PPEF1: variants seen among roughly 807,000 people sequenced by gnomAD.
The protein encoded by PPEF1 is serine/threonine-protein phosphatase with EF-hands 1.
A neutral mutation model predicts 53.3 loss-of-function variants in PPEF1; 12 were observed. That is an observed-to-expected ratio of 0.23 (90% CI 0.14 to 0.36). PPEF1 has a LOEUF of 0.36. PPEF1 is among the 10% of genes least tolerant of loss of function. The pLI is 1.00. For synonymous variants in PPEF1, 165 were observed against 176.7 expected, an observed-to-expected ratio of 0.93 and a Z score of 0.52; for missense variants, 334 against 490.4, an observed-to-expected ratio of 0.68 and a Z score of 3.01.
At chrX:18,709,958 C>G (rs887415927) in intron 1 of PPEF1, among the ~76,000 whole-genome samples, 2 of 112,065 alleles carry the variant, frequency 1.8e-5, no homozygotes, top group African/African-American at 6.5e-5. Context: ...CTGCACCATT[C>G]TACATTCCTA....
chrX:18,713,841 T>C (rs1173086315), intron 1 of PPEF1, among the ~76,000 whole-genome samples: 1 of 112,086 alleles, frequency 8.9e-6, no homozygotes, highest in Non-Finnish European at 1.9e-5. Context: ...TAAAATGTTA[T>C]GTAAACATTT....
upstream of PPEF1, among the ~76,000 whole-genome samples, chrX:18,679,407 C>CTTCATCTTT (rs1435148939): frequency 8.9e-6 from 1 of 111,751 alleles, no homozygotes; most frequent in Non-Finnish European, 1.9e-5. Flanking sequence ...ATAATGGCAG[C>CTTCATCTTT]TTCATCTTTC....
intron 14 of PPEF1, 75 bp from the exon 15 acceptor site, chrX:18,825,676 G>C (rs763821393): frequency 1.6e-5 from 10 of 633,712 alleles, no homozygotes; most frequent in Admixed American, 3.8e-5. Flanking sequence ...GATGTTTTCT[G>C]TTTGTTACAT....
intron 1 of PPEF1, among the ~76,000 whole-genome samples, chrX:18,717,103 T>TA: frequency 9.4e-6 from 1 of 106,815 alleles, no homozygotes; most frequent in African/African-American, 3.4e-5. Context: ...ATATATATAT[T>TA]TTTTTCTCAA....
chrX:18,772,605 GA>G (rs1312969495), intron 6 of PPEF1, among the ~76,000 whole-genome samples: 1 of 111,915 alleles, frequency 8.9e-6, no homozygotes, highest in African/African-American at 3.2e-5. Context: ...ACCTCTGGTA[GA>G]ATTTGGCTGT....
At chrX:18,806,366 A>G in intron 11 of PPEF1, 37 bp from the exon 12 acceptor site, 2 of 1,172,198 alleles carry the variant, frequency 1.7e-6, no homozygotes, top group Non-Finnish European at 1.1e-6. Flanking sequence ...TTGAGAACTA[A>G]TGTTACGTGA....
At chrX:18,700,836 T>G (rs183699862) in intron 6 of PPEF1, among the ~76,000 whole-genome samples, 83 of 112,562 alleles carry the variant, frequency 7.4e-4, no homozygotes, top group African/African-American at 2.5e-3. Context: ...TCTTGTCGTC[T>G]TAGAGGTTTC....
At chrX:18,767,118 T>C (rs751378812) in intron 6 of PPEF1, among the ~76,000 whole-genome samples, 1 of 111,899 alleles carries the variant, frequency 8.9e-6, no homozygotes, top group African/African-American at 3.2e-5. Flanking sequence ...AAAACTGAAA[T>C]ACTAATACTC....
chrX:18,787,268 G>C (rs891013265), intron 9 of PPEF1, among the ~76,000 whole-genome samples: 1 of 110,963 alleles, frequency 9.0e-6, no homozygotes, highest in African/African-American at 3.3e-5. Flanking sequence ...TTACACCTGC[G>C]GTCGTAATGG....
intron 12 of PPEF1, among the ~76,000 whole-genome samples, chrX:18,817,835 T>C (rs979210891): frequency 9.0e-6 from 1 of 111,347 alleles, no homozygotes; most frequent in African/African-American, 3.3e-5. Flanking sequence ...GTAATCCTTT[T>C]AAAACTTCAT....
chrX:18,798,615 G>T (rs1003854851), intron 10 of PPEF1, among the ~76,000 whole-genome samples: 1 of 110,971 alleles, frequency 9.0e-6, no homozygotes, highest in Admixed American at 9.6e-5. Flanking sequence ...TGGCTGGAAG[G>T]TTTGGGCTGA....
chrX:18,727,135 T>G (rs1444955099), intron 1 of PPEF1, among the ~76,000 whole-genome samples: 1 of 112,316 alleles, frequency 8.9e-6, no homozygotes, highest in East Asian at 2.8e-4. Flanking sequence ...GTTCGAATCC[T>G]CACTGTCTAT....
At chrX:18,678,448 C>G (rs1417158433), upstream of PPEF1, among the ~76,000 whole-genome samples, 1 of 111,069 alleles carries the variant, frequency 9.0e-6, no homozygotes, top group East Asian at 2.8e-4. Flanking sequence ...AAAACGAAAA[C>G]AAAAGCAAAA....
upstream of PPEF1, among the ~76,000 whole-genome samples, chrX:18,704,780 A>G (rs1293337778): frequency 9.0e-6 from 1 of 111,680 alleles, no homozygotes; most frequent in East Asian, 2.8e-4. Context: ...TCCTCCACCC[A>G]GTACCAATTA....
At chrX:18,760,232 C>T (rs955801684) in intron 5 of PPEF1, among the ~76,000 whole-genome samples, 4 of 111,290 alleles carry the variant, frequency 3.6e-5, no homozygotes, top group Non-Finnish European at 7.5e-5. Context: ...AGTGATCCAC[C>T]TGCCTCGGCC....
At chrX:18,704,704 A>G (rs2044160204), upstream of PPEF1, among the ~76,000 whole-genome samples, 1 of 112,071 alleles carries the variant, frequency 8.9e-6, no homozygotes, top group Non-Finnish European at 1.9e-5. Context: ...TACCGTCTCT[A>G]TTACAGATTG....
In PPEF1 at chrX:18,730,128, A is replaced by G. The variant is rs937983461; in HGVS notation, c.47-53A>G. Reference sequence around the variant, plus strand: ...TCCACTGAAGCACCTACTTCTCCTAACAGGTGCATAGTAACTGTTTTTCTT... The same window carrying G: ...TCCACTGAAGCACCTACTTCTCCTAGCAGGTGCATAGTAACTGTTTTTCTT... On this transcript the variant is annotated intron_variant, in intron 1 of 15. Transcript: ENST00000470157. 1.5e-5 allele frequency: 17 copies of G among 1,143,833 alleles called. No homozygotes were observed. The Admixed American group carries it at 1.6e-4, about 11-fold the overall frequency. The allele number at this position is 1,143,833 out of a possible 1,213,427, so 94.3% of individuals were successfully genotyped here.
chrX:18,799,175 G>A (rs1602466688), intron 10 of PPEF1, among the ~76,000 whole-genome samples: 1 of 108,156 alleles, frequency 9.2e-6, no homozygotes, highest in African/African-American at 3.4e-5. Flanking sequence ...GGGGGTTGCA[G>A]TGAGCCGAGA....
intron 13 of PPEF1, 51 bp downstream of exon 13, chrX:18,818,196 C>G: frequency 2.4e-6 from 2 of 819,825 alleles, no homozygotes; most frequent in Non-Finnish European, 3.5e-6. Flanking sequence ...AAGTTACATA[C>G]AGATCACTTT....
Sources: gnomAD v4.1 joint callset for allele counts (sites outside exome capture counted in the v4.1 genomes callset) on GRCh38, gnomAD v4.1.1 for gene constraint, MANE v1.5 for transcripts, NCBI Gene and HGNC (gene_info 2026-07-23, HGNC 2026-07-21) for gene names.